SWAP70: variants seen among roughly 807,000 people sequenced by gnomAD.
The protein encoded by SWAP70 is switching B cell complex subunit SWAP70.
A neutral mutation model predicts 80.2 loss-of-function variants in SWAP70; 34 were observed. The ratio of observed to expected loss-of-function variants is 0.42; its 90% CI spans 0.32 to 0.56. The LOEUF (loss-of-function observed/expected upper bound fraction) is 0.56, where lower values mean the gene tolerates loss of function less well. Among genes scored for constraint, SWAP70 ranks in the 20% least tolerant of loss-of-function variants. The pLI is 0.09. For missense variants in SWAP70, 578 were observed against 690.7 expected (o/e 0.84, Z 1.83); for synonymous variants, 239 against 238.5 (o/e 1.00, Z -0.02).
chr11:9,671,110 TAAAA>T (rs1305247405), intron 1 of SWAP70, among the ~76,000 whole-genome samples: 13 of 135,642 alleles, frequency 9.6e-5, no homozygotes, highest in African/African-American at 3.4e-4. Context: ...TATATAAATA[TAAAA>T]ATATATATAA....
intron 3 of SWAP70, chr11:9,720,599 A>G (rs746078937): frequency 3.8e-6 from 2 of 527,238 alleles, no homozygotes; most frequent in Non-Finnish European, 4.9e-6. Flanking sequence ...GGCTATACAC[A>G]TGTGCTTCCT....
chr11:9,724,292 C>T (rs367591129), intron 3 of SWAP70, among the ~76,000 whole-genome samples: 16 of 152,106 alleles, frequency 1.1e-4, no homozygotes, highest in African/African-American at 3.1e-4. Context: ...TTTAATTTAG[C>T]GCTTGTTTGT....
chr11:9,746,812 G>A (rs1411700984), intron 9 of SWAP70, among the ~76,000 whole-genome samples: 1 of 152,216 alleles, frequency 6.6e-6, no homozygotes, highest in African/African-American at 2.4e-5. Flanking sequence ...AATTTGTGAG[G>A]CAACGAGTGG....
At chr11:9,694,018 A>G in intron 1 of SWAP70, 128 bp from the exon 2 acceptor site, 1 of 1,205,262 alleles carries the variant, frequency 8.3e-7, no homozygotes, top group Non-Finnish European at 1.1e-6. Context: ...AGCAGTCCTC[A>G]CCCTGTTTTT....
chr11:9,728,325 T>C, intron 5 of SWAP70, 126 bp downstream of exon 5: 2 of 1,087,332 alleles, frequency 1.8e-6, no homozygotes, highest in Non-Finnish European at 2.5e-6. Context: ...ATTTCCAAAA[T>C]AATATAGGCA....
intron 1 of SWAP70, among the ~76,000 whole-genome samples, chr11:9,693,038 C>T (rs1232694825): frequency 1.3e-5 from 2 of 152,024 alleles, no homozygotes; most frequent in African/African-American, 4.8e-5. Context: ...AATGTTTAAT[C>T]TTAAAAAAAC....
rs1313364013 is a variant in SWAP70 at position 9,740,262 on chromosome 11, G to A, written c.1270G>A (p.Asp424Asn). 33 of 1,614,236 alleles carry A rather than the reference G, an allele frequency of 2.0e-5. No individual in the cohort carries two copies. Among genetic ancestry groups the A allele is most frequent in the African/African-American group, 2.7e-5 (2 of 75,068 alleles). Residue 424 changes from aspartate to asparagine, a missense_variant, in exon 9 of 12, where the codon GAC becomes AAC. Transcript: ENST00000318950. ...TTTACAGCGAGTACGGGAGCTGGAA[G>A]ACATGTACCTAAAGCTGCAGGAGGC... ...QYLQRVRELE[D>N]MYLKLQEALE...
intron 11 of SWAP70, among the ~76,000 whole-genome samples, chr11:9,749,436 C>T (rs901051856): frequency 6.6e-6 from 1 of 152,008 alleles, no homozygotes; most frequent in South Asian, 2.1e-4. Flanking sequence ...TTAGTAGAGA[C>T]GGGGTTTCAC....
chr11:9,698,722 A>C (rs1850793929), intron 2 of SWAP70, among the ~76,000 whole-genome samples: 1 of 152,162 alleles, frequency 6.6e-6, no homozygotes, highest in African/African-American at 2.4e-5. Context: ...ATGTTTTTAA[A>C]GAATTTCCTT....
Position 9,664,282 on chromosome 11 carries a change from G to T in SWAP70, c.99+4G>T, listed in dbSNP as rs537131406. On this transcript the variant is annotated splice_donor_region_variant and intron_variant, in intron 1 of 11. Coordinates refer to ENST00000318950, the MANE Select transcript of SWAP70 (RefSeq NM_015055.4). Reference sequence around the variant, plus strand: ...GGTCTCCAAGTCCCAGCTCAAGGTGGGCGCCTCCTGACCCGGCCCCCCACC... The same window carrying T: ...GGTCTCCAAGTCCCAGCTCAAGGTGTGCGCCTCCTGACCCGGCCCCCCACC... 43 of 1,564,070 alleles carry T rather than the reference G, an allele frequency of 2.7e-5. No homozygotes were observed. The South Asian group carries it at 4.5e-4, about 16-fold the overall frequency.
chr11:9,716,937 T>C, intron 3 of SWAP70, among the ~76,000 whole-genome samples: 1 of 152,148 alleles, frequency 6.6e-6, no homozygotes, highest in East Asian at 1.9e-4. Context: ...GAACACGCTA[T>C]GAGGTAGGAG....
intron 4 of SWAP70, among the ~76,000 whole-genome samples, chr11:9,727,721 T>C (rs576922998): frequency 1.3e-5 from 2 of 152,388 alleles, no homozygotes; most frequent in East Asian, 3.9e-4. Context: ...TTATTTTGTT[T>C]ATAAATATTT....
At position 9,709,726 on chromosome 11, in the gene SWAP70, C is replaced by T. The variant is rs537610235; in HGVS notation, c.241-3740C>T. 5.3e-5 allele frequency among the ~76,000 whole-genome samples: 8 copies of T among 152,116 alleles called. 1 individual carries two copies. In the South Asian group the frequency reaches 1.0e-3, roughly 20 times the overall value. ...CTGATCTCAAACTCCTGAACTCAAG[C>T]GATCCACCTGCCTTGGCCTCCTAAA... On this transcript the variant is annotated intron_variant, in intron 2 of 11. Transcript: ENST00000318950.
At chr11:9,724,908 T>G in intron 4 of SWAP70, 23 bp downstream of exon 4, 1 of 1,439,944 alleles carries the variant, frequency 6.9e-7, no homozygotes, top group Non-Finnish European at 9.6e-7. Context: ...TTACTGTTTT[T>G]TTTTCTCATC....
intron 1 of SWAP70, 100 bp from the exon 2 acceptor site, chr11:9,694,046 C>G (rs931245136): frequency 2.9e-6 from 4 of 1,387,274 alleles, no homozygotes; most frequent in Admixed American, 2.6e-5. Context: ...TATTTTCCAT[C>G]TTTCTCTACC....
chr11:9,735,263 G>T (rs1397463177), intron 7 of SWAP70, among the ~76,000 whole-genome samples: 1 of 152,048 alleles, frequency 6.6e-6, no homozygotes, highest in African/African-American at 2.4e-5. Flanking sequence ...GTATATACTA[G>T]TGTCACTGTT....
intron 1 of SWAP70, among the ~76,000 whole-genome samples, chr11:9,680,275 G>A (rs1056230314): frequency 6.6e-5 from 10 of 152,148 alleles, no homozygotes; most frequent in Admixed American, 5.9e-4. Context: ...TCTAAGCCGT[G>A]CCATCCAGTG....
chr11:9,698,098 T>G lies in SWAP70; in HGVS notation c.240+3812T>G, dbSNP rs895398375. On this transcript the variant is annotated intron_variant, in intron 2 of 11. Coordinates refer to ENST00000318950, the MANE Select transcript of SWAP70 (RefSeq NM_015055.4). ...ACCATGCCTGGCCAATACATGTTTT[T>G]TGTTTTTTTTTTTTTTTTTTGAGAC... Among the ~76,000 whole-genome samples the G allele has an allele frequency of 1.5e-4, 20 of 135,544 alleles. 2 individuals carry two copies. The Admixed American group carries it at 1.5e-3, about 10-fold the overall frequency. 88.9% of individuals were successfully genotyped at this position (135,544 alleles called of 152,430 possible). A position where few individuals can be genotyped will look rare whatever the true frequency, so the allele number is the denominator to read the frequency against.
chr11:9,726,152 GA>G (rs1019573605), intron 4 of SWAP70, among the ~76,000 whole-genome samples: 1 of 151,678 alleles, frequency 6.6e-6, no homozygotes, highest in African/African-American at 2.4e-5. Context: ...TATAAAATCA[GA>G]AAAATACCTC....
Sources: gnomAD v4.1 joint callset for allele counts (sites outside exome capture counted in the v4.1 genomes callset) on GRCh38, gnomAD v4.1.1 for gene constraint, MANE v1.5 for transcripts, NCBI Gene and HGNC (gene_info 2026-07-23, HGNC 2026-07-21) for gene names.